The following CHRM3 variants were observed in gnomAD, a reference collection of about 807,000 sequenced individuals.
CHRM3 encodes muscarinic acetylcholine receptor M3.
Under a neutral mutation model 41.8 loss-of-function variants are expected in CHRM3, and 11 were observed. The observed-to-expected ratio is 0.26, with a 90% confidence interval of 0.17 to 0.44. The LOEUF is 0.44. Among genes scored for constraint, CHRM3 ranks in the 20% least tolerant of loss-of-function variants. The pLI, the probability that CHRM3 is intolerant of heterozygous loss-of-function variation, is 1.00. For missense variants in CHRM3, 571 were observed against 745.4 expected (o/e 0.77, Z 2.72); for synonymous variants, 297 against 301.4 (o/e 0.99, Z 0.15).
chr1:239,865,836 T>C (rs1030075252), intron 6 of CHRM3, among the ~76,000 whole-genome samples: 1 of 152,182 alleles, frequency 6.6e-6, no homozygotes, highest in African/African-American at 2.4e-5. Flanking sequence ...AGGTACCACA[T>C]GTTAGCTCCT....
intron 4 of CHRM3, among the ~76,000 whole-genome samples, chr1:239,633,597 A>G (rs1225560821): frequency 2.6e-5 from 4 of 152,130 alleles, no homozygotes; most frequent in Non-Finnish European, 4.4e-5. Flanking sequence ...TGGCCATGTG[A>G]CCCAGCTACA....
chr1:239,635,014 T>C (rs949053663), intron 4 of CHRM3, among the ~76,000 whole-genome samples: 5 of 152,246 alleles, frequency 3.3e-5, no homozygotes, highest in Non-Finnish European at 7.3e-5. Context: ...CTGATATCTA[T>C]TCAAAGCTAC....
At chr1:239,769,691 G>A (rs1028841046) in intron 5 of CHRM3, among the ~76,000 whole-genome samples, 6 of 91,048 alleles carry the variant, frequency 6.6e-5, no homozygotes, top group Non-Finnish European at 1.2e-4. Context: ...GGGCCAGCCT[G>A]ACCAACATAG....
chr1:239,866,897 T>TA (rs1229762981), intron 6 of CHRM3, among the ~76,000 whole-genome samples: 1 of 152,198 alleles, frequency 6.6e-6, no homozygotes, highest in East Asian at 1.9e-4. Context: ...AACCATCTGA[T>TA]AAAATAGATA....
Position 239,915,331 on chromosome 1 carries a change from T to A in CHRM3, c.*6107T>A, listed in dbSNP as rs1236805805. 1 of 167,126 alleles carries A rather than the reference T, an allele frequency of 6.0e-6. No individual in the cohort carries two copies. The highest frequency in any genetic ancestry group is 1.5e-5 in the Non-Finnish European group (1 of 68,122). The allele number at this position is 167,126 out of a possible 1,614,324, so 10.4% of individuals were successfully genotyped here. On this transcript the variant is annotated 3_prime_UTR_variant, in exon 7 of 7. Coordinates refer to ENST00000676153, the MANE Select transcript of CHRM3 (RefSeq NM_001375978.1). ...GGTGTGTCACAAACCATGTTCATTT[T>A]TAATCTTGAAAAAGTCAATCGTCTG...
intron 5 of CHRM3, among the ~76,000 whole-genome samples, chr1:239,733,194 T>C (rs1157268713): frequency 6.6e-6 from 1 of 152,048 alleles, no homozygotes; most frequent in Non-Finnish European, 1.5e-5. Context: ...GTTGGAGTTA[T>C]TAACCTCTGT....
intron 5 of CHRM3, among the ~76,000 whole-genome samples, chr1:239,764,328 A>G (rs1667034881): frequency 6.6e-6 from 1 of 152,200 alleles, no homozygotes; most frequent in Non-Finnish European, 1.5e-5. Context: ...AGTTCGAAGA[A>G]TTATCCTTGG....
At chr1:239,891,828 G>A (rs1176750684) in intron 6 of CHRM3, among the ~76,000 whole-genome samples, 1 of 152,172 alleles carries the variant, frequency 6.6e-6, no homozygotes, top group Non-Finnish European at 1.5e-5. Flanking sequence ...AGGAGGGGTA[G>A]CATCAGGGGT....
At chr1:239,587,792 A>G (rs1355150859) in intron 3 of CHRM3, among the ~76,000 whole-genome samples, 1 of 152,212 alleles carries the variant, frequency 6.6e-6, no homozygotes, top group Non-Finnish European at 1.5e-5. Context: ...ACATTTCCTC[A>G]GACTTGAACC....
intron 1 of CHRM3, among the ~76,000 whole-genome samples, chr1:239,471,332 C>T (rs933782466): frequency 6.6e-6 from 1 of 152,160 alleles, no homozygotes; most frequent in African/African-American, 2.4e-5. Context: ...ATCAAAACTA[C>T]AAGCTGCAAT....
intron 1 of CHRM3, among the ~76,000 whole-genome samples, chr1:239,423,377 A>G (rs78278538): frequency 0.036 from 5,434 of 152,314 alleles, 124 homozygotes; most frequent in Middle Eastern, 0.058. Flanking sequence ...ACTCTTTACC[A>G]CATACACTCA....
At chr1:239,622,659 G>A (rs929668177) in intron 3 of CHRM3, among the ~76,000 whole-genome samples, 1 of 152,158 alleles carries the variant, frequency 6.6e-6, no homozygotes, top group African/African-American at 2.4e-5. Context: ...AAAACTTGGA[G>A]GAGGAGTTGC....
intron 5 of CHRM3, among the ~76,000 whole-genome samples, chr1:239,765,846 C>T (rs1219293121): frequency 7.1e-6 from 1 of 139,988 alleles, no homozygotes; most frequent in Non-Finnish European, 1.5e-5. Flanking sequence ...GATGGAGTTT[C>T]GCTCTTGTTG....
chr1:239,826,081 A>G (rs1052927517), intron 5 of CHRM3, among the ~76,000 whole-genome samples: 49 of 152,204 alleles, frequency 3.2e-4, no homozygotes, highest in African/African-American at 1.1e-3. Context: ...TTTAGTGGAT[A>G]AAGAGTTTCA....
intron 5 of CHRM3, among the ~76,000 whole-genome samples, chr1:239,736,524 G>T (rs2148461038): frequency 6.6e-6 from 1 of 152,090 alleles, no homozygotes; most frequent in South Asian, 2.1e-4. Context: ...AGGGGCATTG[G>T]TGTGGAAATG....
intron 4 of CHRM3, among the ~76,000 whole-genome samples, chr1:239,642,386 G>A (rs151073024): frequency 0.028 from 4,230 of 151,948 alleles, 204 homozygotes; most frequent in African/African-American, 0.097. Flanking sequence ...CATTCTCCCC[G>A]TCACTTTCAG....
At chr1:239,476,031 C>A (rs1666444881) in intron 1 of CHRM3, among the ~76,000 whole-genome samples, 1 of 151,892 alleles carries the variant, frequency 6.6e-6, no homozygotes, top group South Asian at 2.1e-4. Flanking sequence ...GAAAAATGAA[C>A]ATAATTTCTT....
intron 4 of CHRM3, among the ~76,000 whole-genome samples, chr1:239,672,579 C>T (rs1338807219): frequency 6.9e-6 from 1 of 145,530 alleles, no homozygotes; most frequent in Admixed American, 7.1e-5. Context: ...TTCATTTAAA[C>T]CATGTCTCTT....
intron 2 of CHRM3, among the ~76,000 whole-genome samples, chr1:239,542,079 A>G (rs558911321): frequency 1.3e-5 from 2 of 152,266 alleles, no homozygotes; most frequent in Non-Finnish European, 2.9e-5. Flanking sequence ...TTAAAAAACC[A>G]TGTCTGTCTT....
Sources: allele counts gnomAD v4.1 joint callset (sites outside exome capture counted in the v4.1 genomes callset), GRCh38; gene constraint gnomAD v4.1.1; transcripts MANE v1.5; gene names NCBI Gene and HGNC (gene_info 2026-07-23, HGNC 2026-07-21).